The following C1orf54 variants were observed in gnomAD, a reference collection of about 807,000 sequenced individuals.
C1orf54 encodes chromosome 1 open reading frame 54, also known as uncharacterized protein C1orf54.
In C1orf54, 12 loss-of-function variants were observed where a neutral mutation model predicts 14.7. That is an observed-to-expected ratio of 0.82 (90% CI 0.52 to 1.32). The LOEUF (loss-of-function observed/expected upper bound fraction) is 1.32, where lower values mean the gene tolerates loss of function less well. Among genes scored for constraint, C1orf54 ranks in the 40% most tolerant of loss-of-function variants. The pLI, the probability that C1orf54 is intolerant of heterozygous loss-of-function variation, is 0.00. For missense variants in C1orf54, 163 were observed against 162.2 expected, an observed-to-expected ratio of 1.00 and a Z score of -0.03; for synonymous variants, 65 against 56.3, an observed-to-expected ratio of 1.16 and a Z score of -0.70.
At chr1:150,278,827 C>T (rs1553852957) in intron 4 of C1orf54, among the ~76,000 whole-genome samples, 1 of 151,950 alleles carries the variant, frequency 6.6e-6, no homozygotes, top group Non-Finnish European at 1.5e-5. Context: ...TACAGACCAA[C>T]CATCTAAAAA....
chr1:150,268,963 G>T (rs199768691), upstream of C1orf54: 18 of 623,694 alleles, frequency 2.9e-5, no homozygotes, highest in Non-Finnish European at 3.4e-5. Context: ...GGAAGGGGGG[G>T]AACCGAAACC....
chr1:150,277,481 C>A (rs1235799752), intron 4 of C1orf54, among the ~76,000 whole-genome samples: 10 of 105,184 alleles, frequency 9.5e-5, no homozygotes, highest in Non-Finnish European at 1.6e-4. Context: ...CCAGCCTGGG[C>A]GACAGAGTGA....
Position 150,277,135 on chromosome 1 carries a change from T to C in C1orf54, c.300+503T>C, listed in dbSNP as rs587645121. On this transcript the variant is annotated intron_variant, in intron 4 of 5. Coordinates refer to ENST00000369099, the MANE Select transcript of C1orf54 (RefSeq NM_024579.4). ...TGTGCTTGAGATACACCCTGAAGAA[T>C]AGATGAGCTTTTGATTGGTGGGTAG... Among the ~76,000 whole-genome samples, 5 of 152,218 alleles carry C rather than the reference T, an allele frequency of 3.3e-5. No homozygotes were observed. In the South Asian group the frequency reaches 6.2e-4, roughly 19 times the overall value.
upstream of C1orf54, chr1:150,269,697 AT>A (rs1652061560): frequency 6.7e-6 from 1 of 148,728 alleles, no homozygotes; most frequent in South Asian, 2.1e-4. Flanking sequence ...TCCTCTATTT[AT>A]TTTCTGAAAA....
chr1:150,277,623 G>A (rs1420514287), intron 4 of C1orf54, among the ~76,000 whole-genome samples: 3 of 151,376 alleles, frequency 2.0e-5, no homozygotes, highest in Non-Finnish European at 2.9e-5. Flanking sequence ...GAAGGGAACA[G>A]TGGGAATTAA....
rs1046800170 is a variant in C1orf54 at position 150,279,551 on chromosome 1, G to T, written c.301-92G>T. 7 of 1,142,192 alleles carry T rather than the reference G, an allele frequency of 6.1e-6. No homozygotes were observed. In the South Asian group the frequency reaches 1.1e-4, roughly 17 times the overall value. The allele number at this position is 1,142,192 out of a possible 1,614,324, so 70.8% of individuals were successfully genotyped here. On this transcript the variant is annotated intron_variant, in intron 4 of 5. Transcript: ENST00000369099. Reference sequence around the variant, plus strand: ...AAAGGAAAGGAAGACAGAGGTTGTTGTAAAGAGGTGGCAGTCTTTCTGGAG... The same window carrying T: ...AAAGGAAAGGAAGACAGAGGTTGTTTTAAAGAGGTGGCAGTCTTTCTGGAG...
upstream of C1orf54, chr1:150,268,974 C>T (rs1652012142): frequency 1.7e-6 from 1 of 597,350 alleles, no homozygotes; most frequent in Non-Finnish European, 3.0e-6. Context: ...AACCGAAACC[C>T]CAAATGAAGG....
chr1:150,272,549 A>G (rs1368963692), upstream of C1orf54: 1 of 452,454 alleles, frequency 2.2e-6, no homozygotes, highest in East Asian at 4.0e-5. Context: ...GGAGTCTTGA[A>G]TGGATCTAAT....
chr1:150,279,504 G>A (rs56133109), intron 4 of C1orf54, 139 bp from the exon 5 acceptor site: 78,540 of 794,968 alleles, frequency 0.099, 4,684 homozygotes, highest in Non-Finnish European at 0.12. Context: ...TGATGGGGAA[G>A]GATGGATCTT....
chr1:150,270,894 G>T (rs1553851152), upstream of C1orf54, among the ~76,000 whole-genome samples: 1 of 149,040 alleles, frequency 6.7e-6, no homozygotes, highest in Non-Finnish European at 1.5e-5. Flanking sequence ...TACTCAGGAG[G>T]CTGAGGCAGG....
chr1:150,269,237 C>A, upstream of C1orf54: 1 of 175,572 alleles, frequency 5.7e-6, no homozygotes. Context: ...GTTGCGCTTC[C>A]GTCGCTGTTT....
chr1:150,276,557 GA>G lies in C1orf54; in HGVS notation c.226del (p.Thr76LeufsTer16). The G allele has an allele frequency of 6.2e-7, 1 of 1,614,110 alleles. No homozygotes were observed. The highest frequency in any genetic ancestry group is 8.5e-7 in the Non-Finnish European group (1 of 1,180,018). ...ATAAGGACATAACAGAAGCAATAGAGACTACCATTAGTCTTGAAACAGCACG... is the reference window on the plus strand; with the variant it reads ...ATAAGGACATAACAGAAGCAATAGAGCTACCATTAGTCTTGAAACAGCACG... ...LDKDITEAIE[T>X]TISLETARAD... On this transcript the variant is annotated frameshift_variant, in exon 4 of 6. Coordinates refer to ENST00000369099, the MANE Select transcript of C1orf54 (RefSeq NM_024579.4). LOFTEE classifies it high-confidence loss of function.
At position 150,274,119 on chromosome 1, in the gene C1orf54, G is replaced by C; in HGVS notation, c.79G>C (p.Glu27Gln). 6.2e-7 allele frequency: 1 copy of C among 1,612,662 alleles called. No individual in the cohort carries two copies. The highest frequency in any genetic ancestry group is 8.5e-7 in the Non-Finnish European group (1 of 1,178,692). ...QEYEDEERLG[E>Q]DEYYQVVYYY... Reference sequence around the variant, plus strand: ...ATATGAGGATGAAGAAAGACTGGGAGAGGATGAATATTATCAGGTGGTCTA... The same window carrying C: ...ATATGAGGATGAAGAAAGACTGGGACAGGATGAATATTATCAGGTGGTCTA... The change falls in exon 2 of 6, where the codon GAG becomes CAG. Residue 27 changes from glutamate to glutamine, a missense_variant. Transcript: ENST00000369099.
At chr1:150,280,480 G>A (rs903202202) in intron 5 of C1orf54, among the ~76,000 whole-genome samples, 5 of 152,240 alleles carry the variant, frequency 3.3e-5, no homozygotes, top group African/African-American at 1.2e-4. Context: ...GAATGCCAGA[G>A]GGCAAAGTGG....
chr1:150,280,837 G>T lies in C1orf54; in HGVS notation c.*6G>T. ...TCTTTCTTTCTCTGCTTTTTTAGGT[G>T]GAAGAAGGCTGCTATGACTCTTTGG... On this transcript the variant is annotated splice_region_variant and 3_prime_UTR_variant, in exon 6 of 6. Transcript: ENST00000369099. 6.5e-7 allele frequency: 1 copy of T among 1,549,952 alleles called. No homozygotes were observed. Among genetic ancestry groups the T allele is most frequent in the Non-Finnish European group, 8.7e-7 (1 of 1,146,768 alleles).
In C1orf54 at chr1:150,275,763, C is replaced by T. The variant is rs1553852323; in HGVS notation, c.153C>T (p.Thr51=). ...PSYDDFSADF[T]IDYSIFESED... ...CAGATGACTTTAGTGCAGATTTCAC[C>T]ATTGATTACTCCATATTTGAGTCAG... The change falls in exon 3 of 6, where the codon ACC becomes ACT. Residue 51 remains threonine (T), a synonymous_variant. Coordinates refer to ENST00000369099, the MANE Select transcript of C1orf54 (RefSeq NM_024579.4). 1.9e-6 allele frequency: 3 copies of T among 1,612,042 alleles called. No homozygotes were observed. The highest frequency in any genetic ancestry group is 3.3e-5 in the Admixed American group (2 of 59,944).
intron 5 of C1orf54, 90 bp from the exon 6 acceptor site, chr1:150,280,745 C>T: frequency 9.8e-7 from 1 of 1,021,122 alleles, no homozygotes; most frequent in East Asian, 2.6e-5. Context: ...CTCAGAATAT[C>T]TGGGGAGTTT....
upstream of C1orf54, among the ~76,000 whole-genome samples, chr1:150,271,330 C>A (rs1467793364): frequency 3.3e-5 from 5 of 152,170 alleles, no homozygotes; most frequent in Non-Finnish European, 7.3e-5. Flanking sequence ...CCAGGCTGAT[C>A]TCCTGACCTC....
chr1:150,270,392 A>G (rs1652110838), upstream of C1orf54, among the ~76,000 whole-genome samples: 1 of 152,196 alleles, frequency 6.6e-6, no homozygotes, highest in Non-Finnish European at 1.5e-5. Context: ...CTGTAATCCC[A>G]GCACTTTCGG....
Sources: allele counts gnomAD v4.1 joint callset (sites outside exome capture counted in the v4.1 genomes callset), GRCh38; gene constraint gnomAD v4.1.1; transcripts MANE v1.5; gene names NCBI Gene and HGNC (gene_info 2026-07-23, HGNC 2026-07-21).